DOT1L: variants seen among roughly 807,000 people sequenced by gnomAD.
DOT1L encodes the protein histone-lysine N-methyltransferase, H3 lysine-79 specific.
DOT1L carries 33 observed loss-of-function variants against 153.3 expected under a neutral mutation model. The observed-to-expected ratio is 0.22, with a 90% CI of 0.16 to 0.29. DOT1L has a LOEUF of 0.29. Ranked by LOEUF, DOT1L falls within the 10% of genes least tolerant of loss-of-function variation. The pLI is 1.00. For missense variants in DOT1L, 1,847 were observed against 2,119.9 expected, an observed-to-expected ratio of 0.87 and a Z score of 2.53; for synonymous variants, 1,135 against 965.1, an observed-to-expected ratio of 1.18 and a Z score of -3.26.
In DOT1L at chr19:2,231,486, GCCTCCCCCAGCCCCCAACAA is replaced by G. The variant is rs2024594823; in HGVS notation, c.*1699_*1718del. Reference sequence around the variant, plus strand: ...GCTTGTGCCTGGTGAGGGGGGTGCTGCCTCCCCCAGCCCCCAACAACCTCTCAGACCCCCACCCTCCAACA... The same window carrying G: ...GCTTGTGCCTGGTGAGGGGGGTGCTGCCTCTCAGACCCCCACCCTCCAACA... On this transcript the variant is annotated 3_prime_UTR_variant, in exon 28 of 28. Transcript: ENST00000398665. 1.5e-5 allele frequency: 3 copies of G among 206,170 alleles called. No homozygotes were observed. The Admixed American group carries it at 1.8e-4, about 12-fold the overall frequency. The allele number at this position is 206,170 out of a possible 1,614,324, so 12.8% of individuals were successfully genotyped here. A position where few individuals can be genotyped will look rare whatever the true frequency, so the allele number is the denominator to read the frequency against.
In DOT1L at chr19:2,193,789, C is replaced by T. The variant is rs189013905; in HGVS notation, c.588+6C>T. The T allele has an allele frequency of 7.0e-4, 1,128 of 1,612,966 alleles. 10 individuals carry two copies. The African/African-American group carries it at 0.013, about 19-fold the overall frequency. ...TCCCGGCCAAGTATGCGGAGGTGAG[C>T]GGATCTGAGGGCCAGGGTGTGTTGG... On this transcript the variant is annotated splice_donor_region_variant and intron_variant, in intron 6 of 27. Transcript: ENST00000398665. This position sits in a 1 kb window ranked among gnomAD's most constrained non-coding sequence, Gnocchi z 5.9.
At chr19:2,176,070 T>C (rs942913440) in intron 1 of DOT1L, among the ~76,000 whole-genome samples, 6 of 152,102 alleles carry the variant, frequency 3.9e-5, no homozygotes, top group African/African-American at 1.4e-4. Flanking sequence ...TGGAAACGCC[T>C]CTTGGCCGAG....
rs769960926 is a variant in DOT1L, at chr19:2,225,441, C to T, written c.3650C>T (p.Thr1217Ile). ...TTAGAAAGCAAATCTCCCCCGAAAA[C>T]CTTGGAAAATGGTGAGTAACAAGTG... is the stretch of plus-strand genomic sequence containing the variant. ...ISLESKSPPK[T>I]LENGGGLAGR... The change falls in exon 26 of 28, where the codon ACC becomes ATC. Residue 1217 changes from threonine (T) to isoleucine (I), a missense_variant. By Grantham distance (89) the Thr-to-Ile change is moderately conservative. Transcript: ENST00000398665. The T allele has an allele frequency of 2.3e-5, 37 of 1,614,036 alleles. No homozygotes were observed. Among genetic ancestry groups the T allele is most frequent in the Non-Finnish European group, 3.0e-5 (35 of 1,180,020 alleles).
At position 2,222,496 on chromosome 19, in the gene DOT1L, C is replaced by G. The variant is rs1568367955; in HGVS notation, c.3327C>G (p.Ala1109=). ...LSAGVSPKRR[A]LPSVAGLFTQ... ...CAGGCGTGTCCCCCAAGCGCCGAGCCCTGCCGTCCGTCGCTGGCCTTTTCA... is the reference window on the plus strand; with the variant it reads ...CAGGCGTGTCCCCCAAGCGCCGAGCGCTGCCGTCCGTCGCTGGCCTTTTCA... The change falls in exon 24 of 28, where the codon GCC becomes GCG. Residue 1109 remains alanine, a synonymous_variant. Coordinates refer to ENST00000398665, the MANE Select transcript of DOT1L (RefSeq NM_032482.3). The surrounding 1 kb of genome is among the most constrained non-coding windows in gnomAD (Gnocchi z 6.5). 6.3e-7 allele frequency: 1 copy of G among 1,588,396 alleles called. No homozygotes were observed. The highest frequency in any genetic ancestry group is 1.1e-5 in the South Asian group (1 of 89,848).
At chr19:2,167,338 C>T (rs964543295) in intron 1 of DOT1L, among the ~76,000 whole-genome samples, 1 of 152,206 alleles carries the variant, frequency 6.6e-6, no homozygotes, top group Non-Finnish European at 1.5e-5. Flanking sequence ...TGCCAGGGAC[C>T]CTTTGCCTTT....
chr19:2,184,092 G>A lies in DOT1L; in HGVS notation c.126-1763G>A, dbSNP rs554969669. On this transcript the variant is annotated intron_variant, in intron 2 of 27. Transcript: ENST00000398665. ...CCACGGGACTGAGTGAAGACCGTGC[G>A]GCCGCTCCTTTCAGGCTCCTTGCTG... Among the ~76,000 whole-genome samples, 6 of 152,306 alleles carry A rather than the reference G, an allele frequency of 3.9e-5. No individual in the cohort carries two copies. The East Asian group carries it at 7.7e-4, about 20-fold the overall frequency.
Position 2,229,911 on chromosome 19 carries a change from G to A in DOT1L, c.*119G>A, listed in dbSNP as rs1307317256. The A allele has an allele frequency of 1.0e-5, 16 of 1,581,516 alleles. No homozygotes were observed. The highest frequency in any genetic ancestry group is 1.7e-4 in the Middle Eastern group (1 of 5,718). Reference sequence around the variant, plus strand: ...CTGGACGGCAGAGGCAAGGACGGACGGGAGCTCCACTGTGAATCGGCGGCA... The same window carrying A: ...CTGGACGGCAGAGGCAAGGACGGACAGGAGCTCCACTGTGAATCGGCGGCA... On this transcript the variant is annotated 3_prime_UTR_variant, in exon 28 of 28. Coordinates refer to ENST00000398665, the MANE Select transcript of DOT1L (RefSeq NM_032482.3).
Position 2,231,818 on chromosome 19 carries a change from C to T in DOT1L, c.*2026C>T, listed in dbSNP as rs1035799627. On this transcript the variant is annotated 3_prime_UTR_variant, in exon 28 of 28. Transcript: ENST00000398665. ...TAGGTGACAGTGGCAGTCCGGGTGC[C>T]ATCACGGGTCCTGCAGATGGCCATG... 3.7e-5 allele frequency: 8 copies of T among 218,810 alleles called. No homozygotes were observed. The highest frequency in any genetic ancestry group is 1.6e-4 in the African/African-American group (7 of 44,462). 13.6% of individuals were successfully genotyped at this position (218,810 alleles called of 1,614,324 possible). A position where few individuals can be genotyped will look rare whatever the true frequency, so the allele number is the denominator to read the frequency against.
intron 1 of DOT1L, among the ~76,000 whole-genome samples, chr19:2,170,876 G>A (rs565747879): frequency 1.3e-5 from 2 of 152,238 alleles, no homozygotes; most frequent in East Asian, 3.9e-4. Flanking sequence ...CCCGGAACGT[G>A]TGTCTCCCGG....
chr19:2,199,968 TGTG>T, intron 8 of DOT1L, 29 bp downstream of exon 8: 1 of 1,611,554 alleles, frequency 6.2e-7, no homozygotes. Context: ...ATGCAGGGCA[TGTG>T]GGGTGTGCGC....
intron 3 of DOT1L, 149 bp from the exon 4 acceptor site, chr19:2,189,583 G>C (rs1402755818): frequency 2.5e-6 from 2 of 788,722 alleles, no homozygotes; most frequent in Non-Finnish European, 4.1e-6. Context: ...GGAAAGCGAG[G>C]CTTCTGCCAG....
chr19:2,192,921 G>A (rs987073355), intron 5 of DOT1L, among the ~76,000 whole-genome samples: 5 of 152,178 alleles, frequency 3.3e-5, no homozygotes, highest in African/African-American at 1.2e-4. Context: ...GCCGGGCCCT[G>A]GCCCCCCGTC....
At chr19:2,167,122 C>A (rs2019952410) in intron 1 of DOT1L, among the ~76,000 whole-genome samples, 1 of 152,116 alleles carries the variant, frequency 6.6e-6, no homozygotes, top group Non-Finnish European at 1.5e-5. Flanking sequence ...TGGGCTGTTT[C>A]CAATTTTTGG....
At position 2,210,458 on chromosome 19, in the gene DOT1L, C is replaced by T. The variant is rs751484453; in HGVS notation, c.1064C>T (p.Thr355Met). The change falls in exon 13 of 28, where the codon ACG (threonine) becomes ATG (methionine). Residue 355 changes from threonine (T) to methionine (M), a missense_variant. Thr to Met is a moderately conservative substitution (Grantham distance 81, BLOSUM62 -1). Around this residue, in one of 8 missense-constraint regions of DOT1L, gnomAD observed 205 missense variants for 203.1 expected, o/e 1.01. Transcript: ENST00000398665. ...CGCGAGAGCAAGAGCAACGCGGCCA[C>T]GCCCACTAAGGGCCCAGAGGGCAAG... is the stretch of plus-strand genomic sequence containing the variant. ...QQRESKSNAATPTKGPEGKVA... is the reference protein window; with the variant it reads ...QQRESKSNAAMPTKGPEGKVA... 13 of 1,586,668 alleles carry T rather than the reference C, an allele frequency of 8.2e-6. No homozygotes were observed. The highest frequency in any genetic ancestry group is 3.9e-4 in the Middle Eastern group (2 of 5,122).
intron 7 of DOT1L, 145 bp from the exon 8 acceptor site, chr19:2,199,739 C>T: frequency 9.2e-7 from 1 of 1,092,162 alleles, no homozygotes. Context: ...GCTCCCAGGG[C>T]TGCAGCCGGT....
intron 7 of DOT1L, among the ~76,000 whole-genome samples, chr19:2,196,945 A>G (rs1245973886): frequency 2.0e-5 from 3 of 152,110 alleles, no homozygotes; most frequent in African/African-American, 7.2e-5. Context: ...TTCTAGTGTC[A>G]GCGCGGTGCT....
chr19:2,175,723 A>G (rs2021896123), intron 1 of DOT1L, among the ~76,000 whole-genome samples: 1 of 152,084 alleles, frequency 6.6e-6, no homozygotes, highest in Admixed American at 6.6e-5. Context: ...CCAGCTACTC[A>G]GGAGGCTGAG....
chr19:2,198,033 A>C (rs561873731), intron 7 of DOT1L, among the ~76,000 whole-genome samples: 1 of 152,096 alleles, frequency 6.6e-6, no homozygotes, highest in Non-Finnish European at 1.5e-5. Flanking sequence ...CCCGCTTCCT[A>C]TGGGGCCGGC....
chr19:2,178,711 G>A (rs764376958), intron 1 of DOT1L, among the ~76,000 whole-genome samples: 6 of 151,610 alleles, frequency 4.0e-5, no homozygotes, highest in Admixed American at 3.9e-4. Context: ...GTGAGCTACC[G>A]CGCCCGGCCA....
Sources: allele counts gnomAD v4.1 joint callset (sites outside exome capture counted in the v4.1 genomes callset), GRCh38; gene constraint gnomAD v4.1.1; regional missense constraint gnomAD v4.1.1; non-coding constraint Gnocchi (gnomAD v3.1); transcripts MANE v1.5; gene names NCBI Gene and HGNC (gene_info 2026-07-23, HGNC 2026-07-21).